Variants in TMEM108 observed in about 807,000 individuals in gnomAD.
TMEM108 encodes transmembrane protein 108.
Under a neutral mutation model 35.1 loss-of-function variants are expected in TMEM108, and 12 were observed. The observed-to-expected ratio is 0.34, with a 90% CI of 0.22 to 0.55. TMEM108 has a LOEUF of 0.55. Among genes scored for constraint, TMEM108 ranks in the 20% least tolerant of loss-of-function variants. The pLI is 0.89. For synonymous variants in TMEM108, 287 were observed against 308.6 expected (o/e 0.93, Z 0.73); for missense variants, 680 against 753.3 (o/e 0.90, Z 1.14).
intron 3 of TMEM108, among the ~76,000 whole-genome samples, chr3:133,374,963 G>C (rs1183741314): frequency 6.6e-6 from 1 of 152,188 alleles, no homozygotes; most frequent in African/African-American, 2.4e-5. Context: ...AGCTGCCTAG[G>C]AACAAATTGC....
chr3:133,178,012 A>T (rs1576364265), intron 2 of TMEM108, among the ~76,000 whole-genome samples: 1 of 152,232 alleles, frequency 6.6e-6, no homozygotes. Context: ...ATTCTTATAC[A>T]TCAATAACAG....
At chr3:133,084,361 C>G (rs1943854101) in intron 2 of TMEM108, among the ~76,000 whole-genome samples, 1 of 152,140 alleles carries the variant, frequency 6.6e-6, no homozygotes, top group South Asian at 2.1e-4. Flanking sequence ...AGACTTATTC[C>G]AGCCACTCTT....
In TMEM108 at chr3:133,312,241, C is replaced by A. The variant is rs182624405; in HGVS notation, c.41-67511C>A. 2.3e-3 allele frequency among the ~76,000 whole-genome samples: 343 copies of A among 152,344 alleles called. 4 individuals carry two copies. Among genetic ancestry groups the A allele is most frequent in the African/African-American group, 8.0e-3 (332 of 41,584 alleles). On this transcript the variant is annotated intron_variant, in intron 3 of 5. Transcript: ENST00000321871. Reference sequence around the variant, plus strand: ...CCATTCTCAGTGCTCAAACACCATACTGGCAGAACCACTGCTCTCTTCAGA... The same window carrying A: ...CCATTCTCAGTGCTCAAACACCATAATGGCAGAACCACTGCTCTCTTCAGA...
intron 3 of TMEM108, among the ~76,000 whole-genome samples, chr3:133,354,745 G>T (rs2072110658): frequency 6.6e-6 from 1 of 152,062 alleles, no homozygotes; most frequent in African/African-American, 2.4e-5. Flanking sequence ...GAGCCAGGCA[G>T]ACTTTTTCAC....
chr3:133,282,774 A>G (rs188739205), intron 3 of TMEM108, among the ~76,000 whole-genome samples: 14 of 152,342 alleles, frequency 9.2e-5, no homozygotes, highest in Admixed American at 9.2e-4. Context: ...ATTGTTTGTA[A>G]TAATGAAAAG....
chr3:133,145,086 T>C (rs1944697995), intron 2 of TMEM108, among the ~76,000 whole-genome samples: 2 of 152,232 alleles, frequency 1.3e-5, no homozygotes, highest in South Asian at 4.1e-4. Flanking sequence ...ATAGGGTTTT[T>C]ATGGTTTTAG....
intron 2 of TMEM108, chr3:133,120,742 A>T (rs904691557): frequency 6.6e-6 from 1 of 152,158 alleles, no homozygotes; most frequent in African/African-American, 2.4e-5. Context: ...TATGCTAGGC[A>T]CTCTTAGAAG....
chr3:133,265,059 A>G (rs1946677680), intron 3 of TMEM108, among the ~76,000 whole-genome samples: 2 of 152,208 alleles, frequency 1.3e-5, no homozygotes, highest in Admixed American at 6.5e-5. Flanking sequence ...CACCAACAAG[A>G]TGGTGACCAA....
At chr3:133,311,908 T>C (rs549179629) in intron 3 of TMEM108, among the ~76,000 whole-genome samples, 1 of 152,368 alleles carries the variant, frequency 6.6e-6, no homozygotes, top group African/African-American at 2.4e-5. Context: ...GTGGATGTCC[T>C]TTTTGTTGAT....
intron 2 of TMEM108, among the ~76,000 whole-genome samples, chr3:133,140,534 AT>A (rs532246902): frequency 2.2e-4 from 34 of 152,344 alleles, no homozygotes; most frequent in African/African-American, 7.5e-4. Flanking sequence ...GCTGGATAAT[AT>A]TTTACTTCAA....
In TMEM108 at chr3:133,313,708, G is replaced by T. The variant is rs146080952; in HGVS notation, c.41-66044G>T. 3.7e-4 allele frequency among the ~76,000 whole-genome samples: 57 copies of T among 152,130 alleles called. No individual in the cohort carries two copies. In the East Asian group the frequency reaches 0.01, roughly 27 times the overall value. The stretch of plus-strand genomic sequence containing the variant: ...ATTTTCATCACCCAATCAAGATGTT[G>T]TTCAGTTTCCCCACTGTGTAATTAC... On this transcript the variant is annotated intron_variant, in intron 3 of 5. Coordinates refer to ENST00000321871, the MANE Select transcript of TMEM108 (RefSeq NM_023943.4).
At chr3:133,349,005 T>G (rs62280862) in intron 3 of TMEM108, among the ~76,000 whole-genome samples, 51,412 of 151,714 alleles carry the variant, frequency 0.34, 9,011 homozygotes, top group East Asian at 0.48. Context: ...TTACCAAGTT[T>G]CTAGCCTTGA....
At chr3:133,221,306 T>C (rs1945986768) in intron 2 of TMEM108, among the ~76,000 whole-genome samples, 1 of 151,812 alleles carries the variant, frequency 6.6e-6, no homozygotes. Context: ...AAAAAGATGC[T>C]CCTATCACTG....
intron 3 of TMEM108, among the ~76,000 whole-genome samples, chr3:133,309,235 A>G (rs7636606): frequency 0.013 from 1,904 of 151,396 alleles, 16 homozygotes; most frequent in South Asian, 0.025. Context: ...TATTGCGTCT[A>G]TTTGATTCTT....
intron 3 of TMEM108, among the ~76,000 whole-genome samples, chr3:133,302,631 A>G (rs1250048198): frequency 6.6e-6 from 1 of 151,982 alleles, no homozygotes; most frequent in African/African-American, 2.4e-5. Flanking sequence ...CGTGTGAGCC[A>G]GGATGGTCTC....
intron 2 of TMEM108, among the ~76,000 whole-genome samples, chr3:133,210,161 G>T (rs1441937139): frequency 6.6e-6 from 1 of 152,192 alleles, no homozygotes; most frequent in African/African-American, 2.4e-5. Context: ...TCAGGGAAGA[G>T]AATAAGTGGG....
chr3:133,348,869 A>G (rs1485034734), intron 3 of TMEM108, among the ~76,000 whole-genome samples: 1 of 152,196 alleles, frequency 6.6e-6, no homozygotes, highest in Non-Finnish European at 1.5e-5. Flanking sequence ...AATATTGGTA[A>G]ATATTTCCAA....
chr3:133,115,693 T>C (rs140041220), intron 2 of TMEM108, among the ~76,000 whole-genome samples: 2,767 of 152,318 alleles, frequency 0.018, 33 homozygotes, highest in Non-Finnish European at 0.027. Flanking sequence ...TAATACATGT[T>C]TTTTCTTTCT....
intron 3 of TMEM108, among the ~76,000 whole-genome samples, chr3:133,349,532 T>G (rs2071927263): frequency 6.6e-6 from 1 of 152,118 alleles, no homozygotes; most frequent in East Asian, 1.9e-4. Context: ...GGAGAAAATA[T>G]TTGCAAATTA....
Sources: allele counts gnomAD v4.1 joint callset (sites outside exome capture counted in the v4.1 genomes callset), GRCh38; gene constraint gnomAD v4.1.1; transcripts MANE v1.5; gene names NCBI Gene and HGNC (gene_info 2026-07-23, HGNC 2026-07-21).